Variants in POU6F2 observed in about 807,000 individuals in gnomAD.
POU6F2 encodes POU domain, class 6, transcription factor 2.
A neutral mutation model predicts 71.3 loss-of-function variants in POU6F2; 31 were observed. That is an observed-to-expected ratio of 0.43 (90% CI 0.33 to 0.59). POU6F2 has a LOEUF of 0.59. Among genes scored for constraint, POU6F2 ranks in the 20% least tolerant of loss-of-function variants. The probability of loss-of-function intolerance (pLI) is 0.04; values close to 1 mark genes in which losing one functional copy is unlikely to be tolerated. For missense variants in POU6F2, 783 were observed against 856.8 expected, an observed-to-expected ratio of 0.91 and a Z score of 1.07; for synonymous variants, 347 against 355.7, an observed-to-expected ratio of 0.98 and a Z score of 0.27.
In POU6F2 at chr7:39,460,363, G is replaced by T. The variant is rs1335895689; in HGVS notation, c.1490-184G>T. On this transcript the variant is annotated intron_variant, in intron 8 of 9. Coordinates refer to ENST00000518318, the MANE Select transcript of POU6F2 (RefSeq NM_001370959.1). This position sits in a 1 kb window ranked among gnomAD's most constrained non-coding sequence, Gnocchi z 4.4. ...AACATCTCGAAGGATGATTTGTGGAGGTGTAATGAGTTGCGGATGGAGTGT... is the reference window on the plus strand; with the variant it reads ...AACATCTCGAAGGATGATTTGTGGATGTGTAATGAGTTGCGGATGGAGTGT... Among the ~76,000 whole-genome samples the T allele has an allele frequency of 6.6e-6, 1 of 152,204 alleles. No individual in the cohort carries two copies. The highest frequency in any genetic ancestry group is 1.5e-5 in the Non-Finnish European group (1 of 68,036).
intron 2 of POU6F2, among the ~76,000 whole-genome samples, chr7:39,182,762 C>T (rs1793460037): frequency 6.6e-6 from 1 of 152,156 alleles, no homozygotes; most frequent in Admixed American, 6.6e-5. Flanking sequence ...CCTGAGAGCT[C>T]ATCCATTCTG....
intron 2 of POU6F2, among the ~76,000 whole-genome samples, chr7:39,093,860 A>G (rs901401783): frequency 6.6e-6 from 1 of 152,084 alleles, no homozygotes. Flanking sequence ...ATCTGTATAA[A>G]ATATTTGTGT....
chr7:39,301,903 T>A (rs1015509247), intron 4 of POU6F2, among the ~76,000 whole-genome samples: 3 of 152,158 alleles, frequency 2.0e-5, no homozygotes, highest in Admixed American at 2.0e-4. Flanking sequence ...TGGTAGTAAT[T>A]TGTCTATAGT....
intron 4 of POU6F2, among the ~76,000 whole-genome samples, chr7:39,337,887 A>G (rs1327704574): frequency 6.6e-6 from 1 of 152,212 alleles, no homozygotes; most frequent in Non-Finnish European, 1.5e-5. Flanking sequence ...ACTTACGGAT[A>G]TGGAGGAAGG....
intron 2 of POU6F2, among the ~76,000 whole-genome samples, chr7:39,157,540 G>A (rs780674962): frequency 6.6e-6 from 1 of 152,156 alleles, no homozygotes; most frequent in Non-Finnish European, 1.5e-5. Context: ...ATAGGGAATT[G>A]TGAAGTGGCA....
chr7:39,101,812 A>T (rs1421463862), intron 2 of POU6F2, among the ~76,000 whole-genome samples: 1 of 152,220 alleles, frequency 6.6e-6, no homozygotes, highest in Non-Finnish European at 1.5e-5. Flanking sequence ...ACATATAACA[A>T]AACATCACAG....
At chr7:39,004,728 A>G (rs1247572566) in intron 1 of POU6F2, among the ~76,000 whole-genome samples, 3 of 152,192 alleles carry the variant, frequency 2.0e-5, no homozygotes, top group Non-Finnish European at 4.4e-5. Flanking sequence ...GTAAAATAGG[A>G]GAAGTAGTTG....
At chr7:39,179,203 AC>A (rs1464175096) in intron 2 of POU6F2, among the ~76,000 whole-genome samples, 1 of 152,240 alleles carries the variant, frequency 6.6e-6, no homozygotes, top group Non-Finnish European at 1.5e-5. Flanking sequence ...ATCCCAAAAG[AC>A]CAGAGAGGAT....
In POU6F2 at chr7:39,457,726, A is replaced by G. The variant is rs531252112; in HGVS notation, c.1490-2821A>G. 1.3e-4 allele frequency among the ~76,000 whole-genome samples: 20 copies of G among 152,286 alleles called. No homozygotes were observed. The South Asian group carries it at 4.1e-3, about 32-fold the overall frequency. On this transcript the variant is annotated intron_variant, in intron 8 of 9. Transcript: ENST00000518318. ...CCCTGGGCCCAAAGCAGTGACTCTT[A>G]TACCTGCCAAATTAAGAAAATCACA...
intron 5 of POU6F2, among the ~76,000 whole-genome samples, chr7:39,399,657 C>A (rs973618230): frequency 1.3e-4 from 20 of 152,156 alleles, no homozygotes; most frequent in African/African-American, 4.3e-4. Flanking sequence ...AGTTTGAGAC[C>A]AGACTGGGCA....
chr7:39,152,521 G>T (rs1247371655), intron 2 of POU6F2, among the ~76,000 whole-genome samples: 1 of 152,070 alleles, frequency 6.6e-6, no homozygotes, highest in South Asian at 2.1e-4. Flanking sequence ...TGGCAAATGG[G>T]CAAAGCAGTG....
At chr7:39,462,314 G>T (rs193231058) in intron 9 of POU6F2, among the ~76,000 whole-genome samples, 6 of 152,260 alleles carry the variant, frequency 3.9e-5, no homozygotes, top group Non-Finnish European at 8.8e-5. Context: ...CAGTGAGATC[G>T]TTTTAGGAGC....
chr7:39,417,834 G>T (rs757669168), intron 6 of POU6F2, among the ~76,000 whole-genome samples: 4 of 152,130 alleles, frequency 2.6e-5, no homozygotes, highest in Non-Finnish European at 4.4e-5. Flanking sequence ...CTCTGCCCCC[G>T]CTGGCAAGAT....
intron 6 of POU6F2, among the ~76,000 whole-genome samples, chr7:39,418,428 G>A (rs184085168): frequency 4.1e-4 from 63 of 152,222 alleles, no homozygotes; most frequent in Non-Finnish European, 7.6e-4. Flanking sequence ...GGTGGCTCAC[G>A]CCTGTAATCC....
At chr7:39,014,433 A>G (rs1789418084) in intron 1 of POU6F2, among the ~76,000 whole-genome samples, 2 of 152,238 alleles carry the variant, frequency 1.3e-5, no homozygotes, top group African/African-American at 4.8e-5. Flanking sequence ...TTAATTTTAC[A>G]GAAATGATAA....
intron 5 of POU6F2, chr7:39,404,480 A>G (rs1787377003): frequency 1.3e-5 from 2 of 152,222 alleles, no homozygotes; most frequent in South Asian, 4.1e-4. Flanking sequence ...ATTAAATATA[A>G]ATAATTGTCT....
chr7:39,354,888 T>G (rs1163076985), intron 5 of POU6F2, among the ~76,000 whole-genome samples: 1 of 152,186 alleles, frequency 6.6e-6, no homozygotes, highest in Non-Finnish European at 1.5e-5. Flanking sequence ...AGAGGAGGTG[T>G]TCTTCCCAAT....
chr7:39,340,918 C>T (rs1422557168), intron 5 of POU6F2, among the ~76,000 whole-genome samples: 1 of 152,192 alleles, frequency 6.6e-6, no homozygotes, highest in Non-Finnish European at 1.5e-5. Context: ...TGCACAATGA[C>T]ATTTTTCCCT....
intron 2 of POU6F2, among the ~76,000 whole-genome samples, chr7:39,194,564 TGTAAAGTGGACCAATCAGCGCTC>T (rs1793741347): frequency 6.6e-6 from 1 of 151,428 alleles, no homozygotes; most frequent in Non-Finnish European, 1.5e-5. Flanking sequence ...ATCAGCGCTC[TGTAAAGTGGACCAATCAGCGCTC>T]TGTAAAATGG....
Sources: gnomAD v4.1 joint callset for allele counts (sites outside exome capture counted in the v4.1 genomes callset) on GRCh38, gnomAD v4.1.1 for gene constraint, Gnocchi (gnomAD v3.1) non-coding constraint, MANE v1.5 for transcripts, NCBI Gene and HGNC (gene_info 2026-07-23, HGNC 2026-07-21) for gene names.